Variants in NTNG1 observed in about 807,000 individuals in gnomAD.
NTNG1 encodes netrin G1, also known as netrin-G1.
In NTNG1, 16 loss-of-function variants were observed where a neutral mutation model predicts 54.0. The observed-to-expected ratio is 0.30, with a 90% CI of 0.20 to 0.45. The LOEUF (loss-of-function observed/expected upper bound fraction) is 0.45, where lower values mean the gene tolerates loss of function less well. Ranked by LOEUF, NTNG1 falls within the 20% of genes least tolerant of loss-of-function variation. NTNG1 has a pLI of 1.00. For missense variants in NTNG1, 530 were observed against 678.7 expected, an observed-to-expected ratio of 0.78 and a Z score of 2.43; for synonymous variants, 255 against 263.1, an observed-to-expected ratio of 0.97 and a Z score of 0.30.
At chr1:107,226,877 T>C (rs1347764367) in intron 2 of NTNG1, among the ~76,000 whole-genome samples, 4 of 152,080 alleles carry the variant, frequency 2.6e-5, no homozygotes, top group Non-Finnish European at 4.4e-5. Context: ...TATGCTGTTT[T>C]GGGGCCTCCA....
chr1:107,289,742 G>A (rs1326565871), intron 2 of NTNG1, among the ~76,000 whole-genome samples: 1 of 152,092 alleles, frequency 6.6e-6, no homozygotes, highest in East Asian at 1.9e-4. Flanking sequence ...CATACAGCCT[G>A]GCATAGAGTA....
intron 3 of NTNG1, among the ~76,000 whole-genome samples, chr1:107,348,658 A>T (rs188553008): frequency 7.2e-5 from 11 of 152,264 alleles, no homozygotes; most frequent in African/African-American, 2.6e-4. Flanking sequence ...TAGTAAATTA[A>T]TTCAAATAAA....
At chr1:107,431,977 CA>C (rs1019242801) in intron 6 of NTNG1, among the ~76,000 whole-genome samples, 4 of 151,708 alleles carry the variant, frequency 2.6e-5, no homozygotes, top group Non-Finnish European at 5.9e-5. Flanking sequence ...CCAAGTGTCA[CA>C]AAAAAAAGCT....
intron 3 of NTNG1, among the ~76,000 whole-genome samples, chr1:107,346,884 TAA>T (rs537482440): frequency 0.21 from 20,803 of 97,314 alleles, 1,926 homozygotes; most frequent in South Asian, 0.37. Flanking sequence ...TTTTCTATCC[TAA>T]AAAAAAAAAA....
At chr1:107,374,527 T>A (rs953667680) in intron 3 of NTNG1, among the ~76,000 whole-genome samples, 1 of 152,132 alleles carries the variant, frequency 6.6e-6, no homozygotes, top group Non-Finnish European at 1.5e-5. Context: ...TATCTTTTTT[T>A]ACAGAAATGT....
chr1:107,280,034 G>GGTGTGTGTGTGT (rs58563513), intron 2 of NTNG1, among the ~76,000 whole-genome samples: 131 of 146,548 alleles, frequency 8.9e-4, no homozygotes, highest in African/African-American at 3.0e-3. Flanking sequence ...TTCCTTTGTT[G>GGTGTGTGTGTGT]GTGTGTGTGT....
At chr1:107,262,060 C>A (rs1663386812) in intron 2 of NTNG1, among the ~76,000 whole-genome samples, 1 of 152,116 alleles carries the variant, frequency 6.6e-6, no homozygotes, top group South Asian at 2.1e-4. Flanking sequence ...TGAGCTAAGG[C>A]CCTTGGCAGT....
At chr1:107,331,416 T>G (rs576337955) in intron 3 of NTNG1, among the ~76,000 whole-genome samples, 1 of 152,252 alleles carries the variant, frequency 6.6e-6, no homozygotes, top group East Asian at 1.9e-4. Flanking sequence ...ACTTCTTACT[T>G]CATTTTTATC....
chr1:107,367,062 G>T (rs1412282248), intron 3 of NTNG1, among the ~76,000 whole-genome samples: 1 of 125,722 alleles, frequency 8.0e-6, no homozygotes, highest in African/African-American at 3.4e-5. Flanking sequence ...TCTTTTATCT[G>T]TTCGTGTGTG....
At chr1:107,427,872 T>C (rs1675003172) in intron 5 of NTNG1, among the ~76,000 whole-genome samples, 1 of 152,152 alleles carries the variant, frequency 6.6e-6, no homozygotes, top group African/African-American at 2.4e-5. Context: ...ACAAGACCCA[T>C]AAATTGTTAA....
intron 3 of NTNG1, among the ~76,000 whole-genome samples, chr1:107,347,327 A>G (rs1006524637): frequency 4.6e-5 from 7 of 152,106 alleles, no homozygotes; most frequent in Non-Finnish European, 1.0e-4. Flanking sequence ...CAGATAGGCA[A>G]TATAATGAGA....
intron 2 of NTNG1, among the ~76,000 whole-genome samples, chr1:107,185,589 G>A (rs1570789910): frequency 6.6e-6 from 1 of 152,158 alleles, no homozygotes; most frequent in East Asian, 1.9e-4. Flanking sequence ...ACTTTCTGAG[G>A]TTTGAGTGGC....
At chr1:107,368,191 A>T (rs1670713504) in intron 3 of NTNG1, among the ~76,000 whole-genome samples, 1 of 151,942 alleles carries the variant, frequency 6.6e-6, no homozygotes, top group Non-Finnish European at 1.5e-5. Context: ...TCTGGTTCCA[A>T]TGTCTTAGGT....
At chr1:107,187,317 A>C (rs532165493) in intron 2 of NTNG1, among the ~76,000 whole-genome samples, 1 of 152,248 alleles carries the variant, frequency 6.6e-6, no homozygotes, top group East Asian at 1.9e-4. Flanking sequence ...TTGATGAATA[A>C]ATTTAGTAAT....
chr1:107,214,924 T>G (rs1440040995), intron 2 of NTNG1, among the ~76,000 whole-genome samples: 2 of 152,150 alleles, frequency 1.3e-5, no homozygotes, highest in Non-Finnish European at 2.9e-5. Flanking sequence ...GCCATTTGTA[T>G]ATATTTTTTT....
chr1:107,384,520 A>C (rs1341342306), intron 3 of NTNG1, among the ~76,000 whole-genome samples: 2 of 152,192 alleles, frequency 1.3e-5, no homozygotes, highest in African/African-American at 4.8e-5. Context: ...TTACATTCCC[A>C]GAGGAAACTG....
At chr1:107,463,535 G>GT (rs546661910) in intron 7 of NTNG1, among the ~76,000 whole-genome samples, 232 of 142,490 alleles carry the variant, frequency 1.6e-3, no homozygotes, top group African/African-American at 3.1e-3. Context: ...AATAACCTTG[G>GT]TTTTTTTTTT....
chr1:107,226,678 A>G (rs1660710805), intron 2 of NTNG1, among the ~76,000 whole-genome samples: 1 of 152,084 alleles, frequency 6.6e-6, no homozygotes, highest in South Asian at 2.1e-4. Flanking sequence ...TTGACTGTCT[A>G]TACTTTCATT....
chr1:107,232,840 A>C (rs1223053257), intron 2 of NTNG1, among the ~76,000 whole-genome samples: 1 of 152,172 alleles, frequency 6.6e-6, no homozygotes, highest in African/African-American at 2.4e-5. Flanking sequence ...TCAGCTGCAT[A>C]GACATTATCT....
Sources: gnomAD v4.1 joint callset for allele counts (sites outside exome capture counted in the v4.1 genomes callset) on GRCh38, gnomAD v4.1.1 for gene constraint, MANE v1.5 for transcripts, NCBI Gene and HGNC (gene_info 2026-07-23, HGNC 2026-07-21) for gene names.